The following IL16 variants were observed in gnomAD, a reference collection of about 807,000 sequenced individuals.
IL16 encodes interleukin 16.
Under a neutral mutation model 110.1 loss-of-function variants are expected in IL16, and 67 were observed. The ratio of observed to expected loss-of-function variants is 0.61; its 90% CI spans 0.50 to 0.75. The LOEUF (loss-of-function observed/expected upper bound fraction) is 0.75. IL16 is among the 30% of genes least tolerant of loss of function. IL16 has a pLI of 0.00. For missense variants in IL16, 1,545 were observed against 1,655.0 expected, an observed-to-expected ratio of 0.93 and a Z score of 1.15; for synonymous variants, 689 against 662.9, an observed-to-expected ratio of 1.04 and a Z score of -0.61.
intron 2 of IL16, among the ~76,000 whole-genome samples, chr15:81,232,039 C>CTTTTTTTTTTTTTTTTTTT: frequency 2.1e-5 from 1 of 46,940 alleles, no homozygotes; most frequent in Non-Finnish European, 5.4e-5. Flanking sequence ...CACATTTGTT[C>CTTTTTTTTTTTTTTTTTTT]TTGTTTTTTT....
At chr15:81,264,730 T>C (rs573558124) in intron 3 of IL16, among the ~76,000 whole-genome samples, 2 of 102,536 alleles carry the variant, frequency 2.0e-5, no homozygotes, top group African/African-American at 5.9e-5. Flanking sequence ...ATGTGACTTA[T>C]TCAAACAGAA....
At chr15:81,206,790 C>G (rs1297038373) in intron 1 of IL16, among the ~76,000 whole-genome samples, 1 of 152,010 alleles carries the variant, frequency 6.6e-6, no homozygotes, top group Admixed American at 6.6e-5. Context: ...CCTAAAATAA[C>G]ATTTAGAATA....
At chr15:81,192,470 G>A (rs1895512988), upstream of IL16, among the ~76,000 whole-genome samples, 1 of 152,038 alleles carries the variant, frequency 6.6e-6, no homozygotes, top group Admixed American at 6.6e-5. Context: ...ATAGCCAAAT[G>A]TGGTGGCATG....
In IL16 at chr15:81,278,030, C is replaced by CTATTTATT. The variant is rs72239238; in HGVS notation, c.791-753_791-746dup. ...GACTTGCAGTCAAAAGATCCAAGTCCTATTTATTTATTTATTTATTTATTT... is the reference window on the plus strand; with the variant it reads ...GACTTGCAGTCAAAAGATCCAAGTCCTATTTATTTATTTATTTATTTATTTATTTATTT... On this transcript the variant is annotated intron_variant, in intron 6 of 18. Transcript: ENST00000683961. 2.4e-3 allele frequency among the ~76,000 whole-genome samples: 365 copies of CTATTTATT among 149,236 alleles called. 2 individuals are homozygous for CTATTTATT. The highest frequency in any genetic ancestry group is 3.4e-3 in the Non-Finnish European group (230 of 67,282).
intron 2 of IL16, among the ~76,000 whole-genome samples, chr15:81,244,779 T>C (rs1897477215): frequency 6.6e-6 from 1 of 152,174 alleles, no homozygotes; most frequent in Admixed American, 6.5e-5. Context: ...TCTCTTTCTC[T>C]CTCCTTCCAC....
intron 3 of IL16, among the ~76,000 whole-genome samples, chr15:81,261,737 A>G (rs1898165553): frequency 6.6e-6 from 1 of 151,958 alleles, no homozygotes; most frequent in Non-Finnish European, 1.5e-5. Flanking sequence ...GTTTCTTCCC[A>G]AACCCTGATT....
Position 81,190,632 on chromosome 15 carries a change from A to G in IL16, c.40+7736A>G, listed in dbSNP as rs1484564234. 6.6e-5 allele frequency among the ~76,000 whole-genome samples: 10 copies of G among 152,306 alleles called. 1 individual carries two copies. In the South Asian group the frequency reaches 1.4e-3, roughly 22 times the overall value. On this transcript the variant is annotated intron_variant, in intron 1 of 18. Transcript: ENST00000302987. ...GTGGATGGTACTTAGCCTTGTGTCT[A>G]GCTGTTCCATGGTGAGCAGGCCTAT... is the stretch of plus-strand genomic sequence containing the variant.
At chr15:81,247,078 T>C (rs867594210) in intron 2 of IL16, among the ~76,000 whole-genome samples, 10,885 of 100,948 alleles carry the variant, frequency 0.11, 435 homozygotes, top group African/African-American at 0.16. Context: ...TTCTTTTCCT[T>C]TTTTTTTTTT....
intron 1 of IL16, among the ~76,000 whole-genome samples, chr15:81,214,225 T>C (rs970206151): frequency 3.9e-5 from 6 of 152,230 alleles, no homozygotes; most frequent in African/African-American, 7.2e-5. Flanking sequence ...TAGTTAGCTA[T>C]ATGCTTAAGT....
Position 81,223,377 on chromosome 15 carries a change from A to G in IL16, c.-101-1922A>G, listed in dbSNP as rs984204055. 4.6e-5 allele frequency among the ~76,000 whole-genome samples: 7 copies of G among 152,312 alleles called. No homozygotes were observed. In the East Asian group the frequency reaches 7.7e-4, roughly 17 times the overall value. ...ACATATAGTGTTTGAAAGACAGAAA[A>G]TGTTTGAGTGTGTTCATGTGCTGAG... is the stretch of plus-strand genomic sequence containing the variant. On this transcript the variant is annotated intron_variant, in intron 1 of 18. Transcript: ENST00000683961.
intron 2 of IL16, among the ~76,000 whole-genome samples, chr15:81,232,145 T>C (rs1897028998): frequency 6.6e-6 from 1 of 151,468 alleles, no homozygotes. Context: ...TTTGGCTTTA[T>C]AGATCAATCT....
At chr15:81,288,413 C>T (rs1159005814) in intron 10 of IL16, among the ~76,000 whole-genome samples, 2 of 152,110 alleles carry the variant, frequency 1.3e-5, no homozygotes, top group South Asian at 2.1e-4. Context: ...GGCATTGTGC[C>T]GCAGACTTTA....
intron 1 of IL16, among the ~76,000 whole-genome samples, chr15:81,219,626 A>G (rs1896549111): frequency 6.6e-6 from 1 of 152,110 alleles, no homozygotes; most frequent in Non-Finnish European, 1.5e-5. Flanking sequence ...GGGCTTCTCC[A>G]GGATCTTAAG....
At chr15:81,254,584 C>G (rs1326277033) in intron 2 of IL16, among the ~76,000 whole-genome samples, 1 of 152,146 alleles carries the variant, frequency 6.6e-6, no homozygotes, top group Non-Finnish European at 1.5e-5. Flanking sequence ...CGGGGTGTAT[C>G]ACCCACAGAA....
intron 13 of IL16, among the ~76,000 whole-genome samples, chr15:81,298,890 C>T (rs1900121764): frequency 6.6e-6 from 1 of 152,202 alleles, no homozygotes; most frequent in African/African-American, 2.4e-5. Flanking sequence ...TTTTTAATGA[C>T]ACGGGTAGGT....
chr15:81,294,615 C>T (rs1415167690), intron 12 of IL16, among the ~76,000 whole-genome samples: 3 of 152,160 alleles, frequency 2.0e-5, no homozygotes, highest in Admixed American at 6.5e-5. Flanking sequence ...TGTACCTGCC[C>T]CCAACAGCAC....
At chr15:81,257,985 AACACACACACAG>A (rs1395902078) in intron 2 of IL16, among the ~76,000 whole-genome samples, 1 of 152,144 alleles carries the variant, frequency 6.6e-6, no homozygotes, top group Admixed American at 6.5e-5. Flanking sequence ...CCTGAAAGAA[AACACACACACAG>A]ACACACACAC....
chr15:81,215,202 T>G (rs1279477234), intron 1 of IL16, among the ~76,000 whole-genome samples: 1 of 152,210 alleles, frequency 6.6e-6, no homozygotes, highest in Non-Finnish European at 1.5e-5. Context: ...ACTGGCTTTT[T>G]AAATTGCCAG....
intron 2 of IL16, among the ~76,000 whole-genome samples, chr15:81,238,706 C>T (rs1406836946): frequency 6.6e-6 from 1 of 151,966 alleles, no homozygotes; most frequent in African/African-American, 2.4e-5. Flanking sequence ...TATATTTTTA[C>T]TCATTCTATT....
Sources: gnomAD v4.1 joint callset for allele counts (sites outside exome capture counted in the v4.1 genomes callset) on GRCh38, gnomAD v4.1.1 for gene constraint, MANE v1.5 for transcripts, NCBI Gene and HGNC (gene_info 2026-07-23, HGNC 2026-07-21) for gene names.